Variants in CFAP65 observed in about 807,000 individuals in gnomAD.
CFAP65 encodes the protein cilia- and flagella-associated protein 65.
In CFAP65, 155 loss-of-function variants were observed where a neutral mutation model predicts 208.0. The ratio of observed to expected loss-of-function variants is 0.75; its 90% CI spans 0.65 to 0.85. The LOEUF (loss-of-function observed/expected upper bound fraction) is 0.85. CFAP65 is among the 40% of genes least tolerant of loss of function. The pLI is 0.00. For synonymous variants in CFAP65, 970 were observed against 986.3 expected (o/e 0.98, Z 0.31); for missense variants, 2,294 against 2,451.3 (o/e 0.94, Z 1.36).
chr2:219,026,196 C>G lies in CFAP65; in HGVS notation c.2212-37G>C, dbSNP rs1242163342. 1.9e-6 allele frequency: 3 copies of G among 1,593,700 alleles called. No individual in the cohort carries two copies. In the South Asian group the frequency reaches 3.3e-5, roughly 18 times the overall value. On this transcript the variant is annotated intron_variant, in intron 13 of 34. Transcript: ENST00000341552. ...CCAGACCCACGGAAAAGCTCAGAGT[C>G]CTGTGTCTGCCCTGTGGGGCACCCC...
At chr2:219,009,703 G>C (rs1946316417) in intron 27 of CFAP65, among the ~76,000 whole-genome samples, 1 of 86,576 alleles carries the variant, frequency 1.2e-5, no homozygotes, top group Non-Finnish European at 2.3e-5. Context: ...GGATGGGATG[G>C]AGTGGGGTGG....
At chr2:219,018,961 C>CA in intron 21 of CFAP65, 90 bp downstream of exon 21, 3 of 1,555,076 alleles carry the variant, frequency 1.9e-6, no homozygotes, top group Non-Finnish European at 1.8e-6. Context: ...GCAGCCAGGC[C>CA]ACCACGGGCA....
chr2:219,028,370 C>G lies in CFAP65; in HGVS notation c.1682G>C (p.Cys561Ser), dbSNP rs376129968. ...GGCTGGCTTGGTGCTGTCCGAGTGGCAGGTCCCCATCAGGTCCAGGAACAG... is the reference window on the plus strand; with the variant it reads ...GGCTGGCTTGGTGCTGTCCGAGTGGGAGGTCCCCATCAGGTCCAGGAACAG... ...DPLFLDLMGT[C>S]HSDSTKPAIL... Residue 561 changes from cysteine (C) to serine (S), a missense_variant, in exon 12 of 35, where the codon TGC becomes TCC. By Grantham distance (112) the Cys-to-Ser change is moderately radical. Transcript: ENST00000341552. 10 of 1,613,084 alleles carry G rather than the reference C, an allele frequency of 6.2e-6. No individual in the cohort carries two copies. The highest frequency in any genetic ancestry group is 8.5e-6 in the Non-Finnish European group (10 of 1,179,902).
Position 219,002,927 on chromosome 2 carries a change from G to T in CFAP65, c.*10C>A, listed in dbSNP as rs2106030374. On this transcript the variant is annotated 3_prime_UTR_variant, in exon 35 of 35. Transcript: ENST00000341552. The surrounding 1 kb of genome is among the most constrained non-coding windows in gnomAD (Gnocchi z 7.9). ...CCTAGCGGCATGTCGGAGAGGCTGG[G>T]CGCGGGCATTTACGGAAGGTCGGTA... 1.3e-6 allele frequency: 2 copies of T among 1,562,212 alleles called. No homozygotes were observed. The highest frequency in any genetic ancestry group is 1.7e-4 in the Middle Eastern group (1 of 5,990).
At chr2:219,025,909 G>A in intron 14 of CFAP65, 113 bp downstream of exon 14, 2 of 1,330,502 alleles carry the variant, frequency 1.5e-6, no homozygotes, top group African/African-American at 2.9e-5. Flanking sequence ...CAGCCAGGGA[G>A]GGTGCAAAGA....
chr2:219,039,162 T>C lies in CFAP65; in HGVS notation c.-2-112A>G, dbSNP rs556725989. 7.4e-5 allele frequency: 70 copies of C among 944,180 alleles called. No homozygotes were observed. The East Asian group carries it at 1.7e-3, about 23-fold the overall frequency. The allele number at this position is 944,180 out of a possible 1,614,324, so 58.5% of individuals were successfully genotyped here. A position where few individuals can be genotyped will look rare whatever the true frequency, so the allele number is the denominator to read the frequency against. On this transcript the variant is annotated intron_variant, in intron 2 of 34. Coordinates refer to ENST00000341552, the MANE Select transcript of CFAP65 (RefSeq NM_194302.4). ...TATGTGGCACATATATTTGTATATA[T>C]GCCAGATGCTATGTATATGCCAGAT... is the stretch of plus-strand genomic sequence containing the variant.
rs542053554 is a variant in CFAP65 at position 219,013,852 on chromosome 2, G to A, written c.3779+16C>T. 254 of 1,570,010 alleles carry A rather than the reference G, an allele frequency of 1.6e-4. 3 individuals carry two copies. In the South Asian group the frequency reaches 2.9e-3, roughly 18 times the overall value. ...CTATGACTGGAAGTGCAGGGGGTTTGGGGGGTGGGGAACACCTGTATTTTA... is the reference window on the plus strand; with the variant it reads ...CTATGACTGGAAGTGCAGGGGGTTTAGGGGGTGGGGAACACCTGTATTTTA... On this transcript the variant is annotated intron_variant, in intron 22 of 34. Transcript: ENST00000341552.
chr2:219,027,965 G>T lies in CFAP65; in HGVS notation c.1896C>A (p.Pro632=), dbSNP rs532323836. 17 of 1,518,370 alleles carry T rather than the reference G, an allele frequency of 1.1e-5. No individual in the cohort carries two copies. Among genetic ancestry groups the T allele is most frequent in the Middle Eastern group, 1.8e-4 (1 of 5,592 alleles). The allele number at this position is 1,518,370 out of a possible 1,614,324, so 94.1% of individuals were successfully genotyped here. Residue 632 remains proline, a synonymous_variant, in exon 13 of 35, where the codon CCC becomes CCA. Coordinates refer to ENST00000341552, the MANE Select transcript of CFAP65 (RefSeq NM_194302.4). ...MPAPQYPYIP[P]MTEFFFDGTS... ...TGCCGTCGAAGAAGAACTCGGTCAT[G>T]GGGGGGATATAAGGGTACTGCGGGG...
intron 10 of CFAP65, 107 bp downstream of exon 10, chr2:219,029,879 G>T: frequency 8.2e-7 from 1 of 1,218,910 alleles, no homozygotes; most frequent in Non-Finnish European, 1.2e-6. Context: ...CAGACACCCA[G>T]GCTGAGGCAA....
At position 219,030,745 on chromosome 2, in the gene CFAP65, A is replaced by G; in HGVS notation, c.1105T>C (p.Ser369Pro). Residue 369 changes from serine (S) to proline (P), a missense_variant, in exon 9 of 35, where the codon TCT becomes CCT. Transcript: ENST00000341552. ...TCCGAGGTGCAGCCCACAGCAACAGAGCCAAAGTACAACAGCTTCTGGAAG... is the reference window on the plus strand; with the variant it reads ...TCCGAGGTGCAGCCCACAGCAACAGGGCCAAAGTACAACAGCTTCTGGAAG... ...EGFQKLLYFGSVAVGCTSERQ... is the reference protein window; with the variant it reads ...EGFQKLLYFGPVAVGCTSERQ... 1 of 1,614,156 alleles carries G rather than the reference A, an allele frequency of 6.2e-7. No individual in the cohort carries two copies. The highest frequency in any genetic ancestry group is 1.1e-5 in the South Asian group (1 of 91,082).
Position 219,002,951 on chromosome 2 carries a change from T to A in CFAP65, c.5764A>T (p.Thr1922Ser), listed in dbSNP as rs1393187542. 6.4e-7 allele frequency: 1 copy of A among 1,566,220 alleles called. No homozygotes were observed. The highest frequency in any genetic ancestry group is 2.3e-5 in the East Asian group (1 of 43,238). ...EVLHPVVPLP[T>S]DLP is the part of the protein sequence containing the mutation. ...GGCGCGGGCATTTACGGAAGGTCGGTAGGAAGTGGCACCACCGGGTGGAGT... is the reference window on the plus strand; with the variant it reads ...GGCGCGGGCATTTACGGAAGGTCGGAAGGAAGTGGCACCACCGGGTGGAGT... The change falls in exon 35 of 35, where the codon ACC becomes TCC. Residue 1922 changes from threonine (T) to serine (S), a missense_variant. This residue lies in a region of CFAP65 where 1,427 missense variants were observed against 1,438.7 expected (regional missense o/e 0.99). Coordinates refer to ENST00000341552, the MANE Select transcript of CFAP65 (RefSeq NM_194302.4). This position sits in a 1 kb window ranked among gnomAD's most constrained non-coding sequence, Gnocchi z 7.9.
In CFAP65 at chr2:219,013,263, C is replaced by T. The variant is rs146800134; in HGVS notation, c.3953G>A (p.Arg1318Gln). The T allele has an allele frequency of 5.0e-5, 81 of 1,609,978 alleles. No individual in the cohort carries two copies. The East Asian group carries it at 7.4e-4, about 15-fold the overall frequency. ...AGGACAATGTGGACCACTGACCTGC[C>T]GTGGGGGTAGCGTGTCACCAATGGG... ...PIPIGDTLPP[R>Q]QIYELYNGGS... is the part of the protein sequence containing the mutation. Residue 1318 changes from arginine to glutamine, a missense_variant, in exon 24 of 35, where the codon CGG becomes CAG. Around this residue, in one of 2 missense-constraint regions of CFAP65, gnomAD observed 1,427 missense variants for 1,438.7 expected, o/e 0.99. Transcript: ENST00000341552.
intron 30 of CFAP65, 99 bp from the exon 31 acceptor site, chr2:219,006,322 C>G: frequency 6.8e-7 from 1 of 1,478,212 alleles, no homozygotes; most frequent in East Asian, 2.3e-5. Context: ...CTCTTTGGGC[C>G]ACATAAGCGT....
rs1227279556 is a variant in CFAP65, at chr2:219,003,159, G to T, written c.5669C>A (p.Ala1890Asp). 7.8e-6 allele frequency: 12 copies of T among 1,545,232 alleles called. No homozygotes were observed. The highest frequency in any genetic ancestry group is 9.6e-6 in the Non-Finnish European group (11 of 1,143,626). Residue 1890 changes from alanine to aspartate, a missense_variant, in exon 34 of 35, where the codon GCC becomes GAC. Coordinates refer to ENST00000341552, the MANE Select transcript of CFAP65 (RefSeq NM_194302.4). This position sits in a 1 kb window ranked among gnomAD's most constrained non-coding sequence, Gnocchi z 4.4. The stretch of plus-strand genomic sequence containing the variant: ...CCTGGGCACGCAGAACGGCGGCAGG[G>T]CGATGACGCGTGGCCGCGAGGTGAG... Reference protein sequence around the residue: ...VVLTSRPRVIALPPFCVPRSL... With the variant: ...VVLTSRPRVIDLPPFCVPRSL...
chr2:219,026,062 A>C lies in CFAP65; in HGVS notation c.2309T>G (p.Phe770Cys). The C allele has an allele frequency of 6.2e-7, 1 of 1,614,162 alleles. No homozygotes were observed. The highest frequency in any genetic ancestry group is 8.5e-7 in the Non-Finnish European group (1 of 1,180,020). ...RARGHSYFAG[F>C]EHHIPQYSLD... ...GGAATACTGGGGGATGTGGTGCTCA[A>C]AGCCAGCGAAATAGCTGTGGCCTCG... is the stretch of plus-strand genomic sequence containing the variant. Residue 770 changes from phenylalanine to cysteine, a missense_variant, in exon 14 of 35, where the codon TTT becomes TGT. Physicochemically the swap from Phe to Cys is radical, Grantham distance 205. This residue lies in a region of CFAP65 where 867 missense variants were observed against 1,012.6 expected (regional missense o/e 0.86). Coordinates refer to ENST00000341552, the MANE Select transcript of CFAP65 (RefSeq NM_194302.4).
intron 15 of CFAP65, 27 bp from the exon 16 acceptor site, chr2:219,023,458 C>T (rs1574601720): frequency 2.7e-6 from 4 of 1,490,016 alleles, no homozygotes; most frequent in Non-Finnish European, 3.7e-6. Context: ...AAGGGCAGTG[C>T]CCTGACCTCA....
chr2:219,039,241 A>C, intron 2 of CFAP65, 191 bp from the exon 3 acceptor site: 1 of 449,190 alleles, frequency 2.2e-6, no homozygotes, highest in Non-Finnish European at 3.9e-6. Context: ...AGTTTTCACC[A>C]AATGCTCAAG....
rs755225420 is a variant in CFAP65, at chr2:219,009,425, A to AG, written c.4487dup (p.Glu1497Ter). On this transcript the variant is annotated frameshift_variant, in exon 28 of 35. Transcript: ENST00000341552. LOFTEE classifies it high-confidence loss of function. ...TCACCACAAATGGGACCGTCTCTTC[A>AG]GGAGCCACCACCCCTATCATGGGAC... is the stretch of plus-strand genomic sequence containing the variant. 6.2e-7 allele frequency: 1 copy of AG among 1,612,496 alleles called. No homozygotes were observed. Among genetic ancestry groups the AG allele is most frequent in the African/African-American group, 1.3e-5 (1 of 74,902 alleles).
chr2:219,018,006 G>A lies in CFAP65; in HGVS notation c.3602+1045C>T, dbSNP rs113535773. Among the ~76,000 whole-genome samples, 348 of 152,308 alleles carry A rather than the reference G, an allele frequency of 2.3e-3. 1 individual carries two copies. The highest frequency in any genetic ancestry group is 7.2e-3 in the African/African-American group (301 of 41,586). On this transcript the variant is annotated intron_variant, in intron 21 of 34. Transcript: ENST00000341552. ...CCCCATCTTCCTCCACCATGGAGGA[G>A]AAAGGGGACAGTCAGAGAGTGAGGG... is the stretch of plus-strand genomic sequence containing the variant.
Sources: allele counts gnomAD v4.1 joint callset (sites outside exome capture counted in the v4.1 genomes callset), GRCh38; gene constraint gnomAD v4.1.1; regional missense constraint gnomAD v4.1.1; non-coding constraint Gnocchi (gnomAD v3.1); transcripts MANE v1.5; gene names NCBI Gene and HGNC (gene_info 2026-07-23, HGNC 2026-07-21).